The following DLG2 variants were observed in gnomAD, a reference collection of about 807,000 sequenced individuals.
The protein encoded by DLG2 is disks large homolog 2.
DLG2 carries 45 observed loss-of-function variants against 132.5 expected under a neutral mutation model. The ratio of observed to expected loss-of-function variants is 0.34; its 90% CI spans 0.27 to 0.44. The LOEUF is 0.44. Among genes scored for constraint, DLG2 ranks in the 20% least tolerant of loss-of-function variants. The pLI, the probability that DLG2 is intolerant of heterozygous loss-of-function variation, is 1.00. For synonymous variants in DLG2, 424 were observed against 419.6 expected (o/e 1.01, Z -0.13); for missense variants, 1,045 against 1,196.9 (o/e 0.87, Z 1.87).
At chr11:84,510,948 G>T (rs1017379957) in intron 7 of DLG2, among the ~76,000 whole-genome samples, 11 of 152,136 alleles carry the variant, frequency 7.2e-5, no homozygotes, top group Admixed American at 5.9e-4. Context: ...CTCCAAAGCC[G>T]AAAGAGGAGA....
intron 15 of DLG2, among the ~76,000 whole-genome samples, chr11:83,917,557 T>C (rs2077117133): frequency 6.6e-6 from 1 of 152,092 alleles, no homozygotes; most frequent in Non-Finnish European, 1.5e-5. Flanking sequence ...AATCAAAAAA[T>C]CCCAGGGGAA....
At chr11:84,720,606 G>A (rs1440940429) in intron 6 of DLG2, among the ~76,000 whole-genome samples, 1 of 152,188 alleles carries the variant, frequency 6.6e-6, no homozygotes, top group Non-Finnish European at 1.5e-5. Context: ...AGGCGTGTGG[G>A]GGGAGGGACA....
intron 3 of DLG2, among the ~76,000 whole-genome samples, chr11:85,594,680 A>T (rs1458386825): frequency 6.6e-6 from 1 of 152,036 alleles, no homozygotes; most frequent in Non-Finnish European, 1.5e-5. Context: ...CTAACCCATA[A>T]TATTATTTAT....
At chr11:84,705,323 G>A (rs2059672436) in intron 6 of DLG2, among the ~76,000 whole-genome samples, 2 of 151,612 alleles carry the variant, frequency 1.3e-5, no homozygotes, top group African/African-American at 4.8e-5. Context: ...GAAGACCAGA[G>A]CAACATGGCT....
intron 3 of DLG2, among the ~76,000 whole-genome samples, chr11:85,296,933 TTATTG>T (rs922706543): frequency 6.7e-6 from 1 of 150,152 alleles, no homozygotes; most frequent in Non-Finnish European, 1.5e-5. Flanking sequence ...ATATTATAAT[TTATTG>T]TAGTGTACAA....
At chr11:83,629,705 A>G (rs1251274333) in intron 19 of DLG2, among the ~76,000 whole-genome samples, 2 of 152,146 alleles carry the variant, frequency 1.3e-5, no homozygotes, top group Non-Finnish European at 2.9e-5. Context: ...AGGGAAAAGG[A>G]TATTTTAGAG....
In DLG2 at chr11:84,638,500, T is replaced by C. The variant is rs186288337; in HGVS notation, c.358-103769A>G. Among the ~76,000 whole-genome samples, 20 of 152,314 alleles carry C rather than the reference T, an allele frequency of 1.3e-4. No homozygotes were observed. In the East Asian group the frequency reaches 3.7e-3, roughly 28 times the overall value. Reference sequence around the variant, plus strand: ...GACCAAAAGAAGTTAAGATGAATAATCATTTAAGATTAAAAGCAACAAAAT... The same window carrying C: ...GACCAAAAGAAGTTAAGATGAATAACCATTTAAGATTAAAAGCAACAAAAT... On this transcript the variant is annotated intron_variant, in intron 6 of 27. Coordinates refer to ENST00000376104, the MANE Select transcript of DLG2 (RefSeq NM_001142699.3).
rs139634751 is a variant in DLG2, at chr11:84,834,634, G to A, written c.357+277027C>T. 1.8e-4 allele frequency among the ~76,000 whole-genome samples: 27 copies of A among 151,672 alleles called. No individual in the cohort carries two copies. In the East Asian group the frequency reaches 4.9e-3, roughly 27 times the overall value. On this transcript the variant is annotated intron_variant, in intron 6 of 27. Transcript: ENST00000376104. ...GCAATGAAAGGAAGAGAAGCAGGGG[G>A]TTAGGACTGAATATGGAGTCTTTTT...
At chr11:85,309,051 T>C (rs1251040816) in intron 3 of DLG2, among the ~76,000 whole-genome samples, 4 of 152,136 alleles carry the variant, frequency 2.6e-5, no homozygotes, top group African/African-American at 9.7e-5. Context: ...AATAATGATA[T>C]GCCAATCTGA....
At chr11:85,420,975 T>C (rs1216333648) in intron 3 of DLG2, among the ~76,000 whole-genome samples, 1 of 152,024 alleles carries the variant, frequency 6.6e-6, no homozygotes, top group African/African-American at 2.4e-5. Context: ...CCAGGTGCCA[T>C]TGGGGTATTA....
At chr11:84,530,090 A>C (rs956273017) in intron 7 of DLG2, among the ~76,000 whole-genome samples, 1 of 152,230 alleles carries the variant, frequency 6.6e-6, no homozygotes, top group African/African-American at 2.4e-5. Flanking sequence ...GGCTAGTCAC[A>C]TACAGAAGAT....
At chr11:84,370,010 A>G (rs76237739) in intron 7 of DLG2, among the ~76,000 whole-genome samples, 8,663 of 152,164 alleles carry the variant, frequency 0.057, 834 homozygotes, top group African/African-American at 0.2. Context: ...CCACTAAAAC[A>G]CCACAAATGA....
chr11:84,871,982 G>C (rs996266626), intron 6 of DLG2, among the ~76,000 whole-genome samples: 1 of 152,146 alleles, frequency 6.6e-6, no homozygotes, highest in Non-Finnish European at 1.5e-5. Flanking sequence ...GCCTGATTAA[G>C]ATTTAAGTTA....
chr11:85,463,863 A>G (rs532763959), intron 3 of DLG2, among the ~76,000 whole-genome samples: 1 of 152,072 alleles, frequency 6.6e-6, no homozygotes, highest in Non-Finnish European at 1.5e-5. Flanking sequence ...AAAGGAGAGC[A>G]TTTAGAATTA....
At chr11:84,316,953 C>G in intron 7 of DLG2, 2 of 1,612,768 alleles carry the variant, frequency 1.2e-6, no homozygotes, top group Non-Finnish European at 1.7e-6. Flanking sequence ...CTGGACCCCC[C>G]GGTCCTGTTT....
At chr11:85,077,095 A>T (rs893336147) in intron 6 of DLG2, among the ~76,000 whole-genome samples, 9 of 151,950 alleles carry the variant, frequency 5.9e-5, no homozygotes, top group African/African-American at 2.2e-4. Flanking sequence ...GTGTAACCAC[A>T]GACTAGGACA....
intron 3 of DLG2, among the ~76,000 whole-genome samples, chr11:85,421,593 G>C (rs1391886535): frequency 6.6e-6 from 1 of 151,766 alleles, no homozygotes; most frequent in African/African-American, 2.4e-5. Flanking sequence ...GCATATAGTT[G>C]GTTAGTGAAT....
intron 7 of DLG2, among the ~76,000 whole-genome samples, chr11:84,447,934 C>A (rs2099040347): frequency 6.6e-6 from 1 of 152,002 alleles, no homozygotes; most frequent in African/African-American, 2.4e-5. Flanking sequence ...AAATATCAAG[C>A]CAGCAGTCAA....
chr11:84,683,755 G>C (rs2099735595), intron 6 of DLG2, among the ~76,000 whole-genome samples: 1 of 152,094 alleles, frequency 6.6e-6, no homozygotes, highest in Non-Finnish European at 1.5e-5. Context: ...TGGAAGGATG[G>C]GTTTTGAGAA....
Sources: gnomAD v4.1 joint callset for allele counts (sites outside exome capture counted in the v4.1 genomes callset) on GRCh38, gnomAD v4.1.1 for gene constraint, MANE v1.5 for transcripts, NCBI Gene and HGNC (gene_info 2026-07-23, HGNC 2026-07-21) for gene names.